NBEA: variants seen among roughly 807,000 people sequenced by gnomAD.
NBEA encodes the protein neurobeachin.
In NBEA, 44 loss-of-function variants were observed where a neutral mutation model predicts 343.4. That is an observed-to-expected ratio of 0.13 (90% CI 0.10 to 0.16). NBEA has a LOEUF of 0.16. Ranked by LOEUF, NBEA falls within the 10% of genes least tolerant of loss-of-function variation. The pLI is 1.00. For synonymous variants in NBEA, 1,175 were observed against 1,238.7 expected, an observed-to-expected ratio of 0.95 and a Z score of 1.08; for missense variants, 2,555 against 3,631.3, an observed-to-expected ratio of 0.70 and a Z score of 7.62.
chr13:34,964,162 GA>G (rs1263132899), intron 1 of NBEA, among the ~76,000 whole-genome samples: 1 of 151,964 alleles, frequency 6.6e-6, no homozygotes, highest in Non-Finnish European at 1.5e-5. Flanking sequence ...TACTCTGATT[GA>G]AATTAAGATA....
At chr13:35,035,301 A>T (rs2062397871) in intron 1 of NBEA, among the ~76,000 whole-genome samples, 1 of 151,732 alleles carries the variant, frequency 6.6e-6, no homozygotes, top group African/African-American at 2.4e-5. Context: ...ATATTGTTTA[A>T]TTTCCATGTA....
intron 10 of NBEA, among the ~76,000 whole-genome samples, chr13:35,073,531 G>T (rs1205860315): frequency 6.6e-6 from 1 of 152,100 alleles, no homozygotes; most frequent in Non-Finnish European, 1.5e-5. Context: ...TCTCTACTAA[G>T]TAGTACCTTT....
chr13:35,163,713 A>G (rs2069760056), intron 23 of NBEA, among the ~76,000 whole-genome samples: 1 of 151,916 alleles, frequency 6.6e-6, no homozygotes, highest in Non-Finnish European at 1.5e-5. Flanking sequence ...AGAACACTGT[A>G]CTACCAACTT....
intron 41 of NBEA, among the ~76,000 whole-genome samples, chr13:35,510,203 G>A (rs952647421): frequency 6.6e-6 from 1 of 152,164 alleles, no homozygotes; most frequent in African/African-American, 2.4e-5. Flanking sequence ...CATGGAACTT[G>A]TGTGTTTCCA....
In NBEA at chr13:35,452,216, A is replaced by G. The variant is rs1413907373; in HGVS notation, c.6429A>G (p.Lys2143=). The stretch of plus-strand genomic sequence containing the variant: ...ATGCAGTCAGTCTGCTACAGGAGAA[A>G]GAAATTGACAACCTTGCAGGTAAAT... The part of the protein sequence containing the change: ...DDDAVSLLQE[K]EIDNLAGPVV... Residue 2143 remains lysine (K), a synonymous_variant, in exon 40 of 59, where the codon AAA becomes AAG. Coordinates refer to ENST00000379939, the MANE Select transcript of NBEA (RefSeq NM_001385012.1). 6 of 1,584,652 alleles carry G rather than the reference A, an allele frequency of 3.8e-6. No homozygotes were observed. The highest frequency in any genetic ancestry group is 4.3e-6 in the Non-Finnish European group (5 of 1,165,174).
intron 33 of NBEA, among the ~76,000 whole-genome samples, chr13:35,223,586 T>A (rs960217854): frequency 1.3e-5 from 2 of 152,156 alleles, no homozygotes; most frequent in African/African-American, 4.8e-5. Flanking sequence ...ATTTCAGCAG[T>A]GTATTATGTT....
intron 10 of NBEA, among the ~76,000 whole-genome samples, chr13:35,085,340 T>C (rs537190661): frequency 6.6e-6 from 1 of 152,126 alleles, no homozygotes; most frequent in African/African-American, 2.4e-5. Context: ...CTCAATAAAA[T>C]ACAGGCAAAC....
At chr13:35,042,775 C>T (rs997458324) in intron 2 of NBEA, among the ~76,000 whole-genome samples, 1 of 151,622 alleles carries the variant, frequency 6.6e-6, no homozygotes, top group African/African-American at 2.4e-5. Context: ...GAATAAATGT[C>T]AGAAAAATAC....
intron 39 of NBEA, among the ~76,000 whole-genome samples, chr13:35,448,209 G>C (rs2046140423): frequency 6.6e-6 from 1 of 152,096 alleles, no homozygotes; most frequent in East Asian, 1.9e-4. Context: ...TTGAAAGCTT[G>C]ATATACATTT....
At chr13:35,245,956 A>G (rs922481121) in intron 34 of NBEA, among the ~76,000 whole-genome samples, 2 of 152,026 alleles carry the variant, frequency 1.3e-5, no homozygotes, top group Non-Finnish European at 2.9e-5. Flanking sequence ...CATAATTCCA[A>G]ACTTCTTGGA....
At chr13:35,511,478 A>G (rs948763350) in intron 41 of NBEA, among the ~76,000 whole-genome samples, 4 of 152,180 alleles carry the variant, frequency 2.6e-5, no homozygotes, top group African/African-American at 9.6e-5. Flanking sequence ...TTTTTCGAGC[A>G]AGGAACCCAT....
chr13:35,331,387 T>C (rs1376319502), intron 36 of NBEA, among the ~76,000 whole-genome samples: 72 of 152,128 alleles, frequency 4.7e-4, no homozygotes, highest in Non-Finnish European at 1.0e-4. Flanking sequence ...CATTCTCTGA[T>C]GACAAAAACT....
chr13:35,149,836 T>C (rs1426180217), intron 18 of NBEA, among the ~76,000 whole-genome samples: 1 of 152,214 alleles, frequency 6.6e-6, no homozygotes, highest in African/African-American at 2.4e-5. Flanking sequence ...TGTGTAGTAC[T>C]AACCTTTAAA....
intron 48 of NBEA, among the ~76,000 whole-genome samples, chr13:35,616,273 T>TTA (rs1476771909): frequency 1.3e-5 from 2 of 152,180 alleles, no homozygotes; most frequent in East Asian, 3.9e-4. Flanking sequence ...TAAATTTAAT[T>TTA]TATAGATTGA....
chr13:35,332,009 A>C (rs1469095767), intron 36 of NBEA, among the ~76,000 whole-genome samples: 1 of 152,000 alleles, frequency 6.6e-6, no homozygotes, highest in Non-Finnish European at 1.5e-5. Flanking sequence ...ATGATCATTA[A>C]AATTCTATTT....
chr13:35,397,928 T>A (rs1210266354), intron 38 of NBEA, among the ~76,000 whole-genome samples: 1 of 152,034 alleles, frequency 6.6e-6, no homozygotes, highest in East Asian at 1.9e-4. Context: ...AACAATGAAG[T>A]TTTGCCACAT....
chr13:35,232,263 C>A (rs2075017057), intron 33 of NBEA, among the ~76,000 whole-genome samples: 1 of 152,124 alleles, frequency 6.6e-6, no homozygotes, highest in South Asian at 2.1e-4. Flanking sequence ...GGTGGCATAA[C>A]CCCAATTCTT....
At chr13:35,033,863 A>C (rs1041404038) in intron 1 of NBEA, among the ~76,000 whole-genome samples, 56 of 151,766 alleles carry the variant, frequency 3.7e-4, no homozygotes, top group Non-Finnish European at 5.2e-4. Flanking sequence ...TGTATCCTGT[A>C]ACTTTACTGA....
chr13:35,437,302 GCAAA>G (rs1275628239), intron 39 of NBEA, among the ~76,000 whole-genome samples: 2 of 151,944 alleles, frequency 1.3e-5, no homozygotes, highest in African/African-American at 2.4e-5. Flanking sequence ...TTTTAAATGA[GCAAA>G]CAATCAGAAT....
Sources: allele counts gnomAD v4.1 joint callset (sites outside exome capture counted in the v4.1 genomes callset), GRCh38; gene constraint gnomAD v4.1.1; transcripts MANE v1.5; gene names NCBI Gene and HGNC (gene_info 2026-07-23, HGNC 2026-07-21).